Variants in HPSE2 observed in about 807,000 individuals in gnomAD.
HPSE2 encodes heparanase 2 (inactive).
HPSE2 carries 38 observed loss-of-function variants against 60.5 expected under a neutral mutation model. The ratio of observed to expected loss-of-function variants is 0.63; its 90% CI spans 0.48 to 0.82. The LOEUF is 0.82. HPSE2 is among the 40% of genes least tolerant of loss of function. The pLI is 0.00. For synonymous variants in HPSE2, 295 were observed against 293.2 expected, an observed-to-expected ratio of 1.01 and a Z score of -0.06; for missense variants, 713 against 740.4, an observed-to-expected ratio of 0.96 and a Z score of 0.43.
intron 9 of HPSE2, among the ~76,000 whole-genome samples, chr10:98,508,653 C>G (rs998326112): frequency 6.6e-6 from 1 of 152,118 alleles, no homozygotes; most frequent in African/African-American, 2.4e-5. Flanking sequence ...AAGATGTGAC[C>G]ATGTCTGAGG....
intron 9 of HPSE2, among the ~76,000 whole-genome samples, chr10:98,580,024 G>C (rs1424064796): frequency 6.6e-6 from 1 of 152,160 alleles, no homozygotes; most frequent in African/African-American, 2.4e-5. Context: ...CCTCACACTT[G>C]ATTAAAAGTC....
chr10:99,020,895 G>T (rs893362046), intron 3 of HPSE2, among the ~76,000 whole-genome samples: 3 of 152,250 alleles, frequency 2.0e-5, no homozygotes, highest in Non-Finnish European at 4.4e-5. Flanking sequence ...ACAGGGCCAG[G>T]GAACACACAG....
intron 6 of HPSE2, among the ~76,000 whole-genome samples, chr10:98,654,815 C>T (rs535859218): frequency 3.3e-4 from 50 of 152,198 alleles, no homozygotes; most frequent in African/African-American, 1.1e-3. Flanking sequence ...GTAATAGGAA[C>T]TGAGGAAAAA....
At chr10:99,270,713 G>A in the HPSE2 span, among the ~76,000 whole-genome samples, 2 of 152,160 alleles carry the variant, frequency 1.3e-5, no homozygotes, top group African/African-American at 4.8e-5. Flanking sequence ...TATCCCTGAT[G>A]AACACAGATG....
chr10:98,542,453 C>T lies in HPSE2; in HGVS notation c.1321-52257G>A, dbSNP rs57143105. ...CCTCCAAAGGAACGCAGTTCCTCAC[C>T]AGCAATGGAACAAAGCTGGATGGAG... On this transcript the variant is annotated intron_variant, in intron 9 of 11. Coordinates refer to ENST00000370552, the MANE Select transcript of HPSE2 (RefSeq NM_021828.5). Among the ~76,000 whole-genome samples the T allele has an allele frequency of 8.2e-3, 1,246 of 152,190 alleles. 11 individuals are homozygous for T. The highest frequency in any genetic ancestry group is 0.029 in the African/African-American group (1,188 of 41,524).
At chr10:98,493,494 A>G (rs1941726663) in intron 9 of HPSE2, among the ~76,000 whole-genome samples, 1 of 152,236 alleles carries the variant, frequency 6.6e-6, no homozygotes, top group Non-Finnish European at 1.5e-5. Flanking sequence ...GTGTGTAAAC[A>G]TAATGTTATA....
chr10:99,058,386 C>T (rs947803018), intron 3 of HPSE2, among the ~76,000 whole-genome samples: 9 of 152,202 alleles, frequency 5.9e-5, no homozygotes, highest in African/African-American at 2.2e-4. Context: ...GTTGTCACTT[C>T]CATTTCCTCA....
intron 3 of HPSE2, among the ~76,000 whole-genome samples, chr10:98,858,429 A>T (rs2134765385): frequency 6.6e-6 from 1 of 152,322 alleles, no homozygotes; most frequent in Middle Eastern, 3.4e-3. Flanking sequence ...AGAAAACCAA[A>T]TTGGGCAATA....
intron 2 of HPSE2, among the ~76,000 whole-genome samples, chr10:99,184,817 TATAGAGAGAGAGAGAGAGAG>T (rs1337794200): frequency 2.0e-3 from 34 of 17,192 alleles, no homozygotes; most frequent in South Asian, 4.1e-3. Flanking sequence ...TATATATATA[TATAGAGAGAGAGAGAGAGAG>T]AGAGAGAGAG....
intron 5 of HPSE2, 74 bp from the exon 6 acceptor site, chr10:98,694,021 C>T (rs375259301): frequency 2.3e-5 from 28 of 1,202,082 alleles, no homozygotes; most frequent in Non-Finnish European, 3.3e-5. Flanking sequence ...AGGAAATAAA[C>T]TGAGACAGAT....
chr10:98,608,609 C>T (rs750502520), intron 9 of HPSE2, among the ~76,000 whole-genome samples: 6 of 152,228 alleles, frequency 3.9e-5, no homozygotes, highest in East Asian at 1.9e-4. Flanking sequence ...CCAGGCACTT[C>T]GGCCACTGAC....
chr10:99,086,419 C>T (rs1043324407), intron 3 of HPSE2, among the ~76,000 whole-genome samples: 44 of 126,410 alleles, frequency 3.5e-4, no homozygotes, highest in African/African-American at 1.3e-3. Flanking sequence ...GTGGCGGGAT[C>T]TCGGCTCACT....
rs1464039831 is a variant in HPSE2, at chr10:99,102,052, T to C, written c.610+42186A>G. On this transcript the variant is annotated intron_variant, in intron 3 of 11. Coordinates refer to ENST00000370552, the MANE Select transcript of HPSE2 (RefSeq NM_021828.5). The stretch of plus-strand genomic sequence containing the variant: ...AAGCAGGAAAGATCTAAAATTGACA[T>C]CCTAACATCACAATTAGAACTAGAG... Among the ~76,000 whole-genome samples the C allele has an allele frequency of 4.6e-5, 7 of 151,976 alleles. No homozygotes were observed. In the South Asian group the frequency reaches 8.3e-4, roughly 18 times the overall value.
intron 4 of HPSE2, among the ~76,000 whole-genome samples, chr10:98,722,721 C>T (rs1948959337): frequency 6.6e-6 from 1 of 152,136 alleles, no homozygotes; most frequent in Non-Finnish European, 1.5e-5. Flanking sequence ...ACGAGCAGCT[C>T]CACAGCTGGA....
chr10:98,511,406 T>C (rs904246021), intron 9 of HPSE2, among the ~76,000 whole-genome samples: 3 of 152,176 alleles, frequency 2.0e-5, no homozygotes, highest in Non-Finnish European at 4.4e-5. Flanking sequence ...CGCCTTGGCC[T>C]CCCAAAGTGC....
intron 3 of HPSE2, among the ~76,000 whole-genome samples, chr10:99,127,296 G>A (rs1250167540): frequency 2.0e-5 from 3 of 152,080 alleles, no homozygotes; most frequent in African/African-American, 7.2e-5. Flanking sequence ...ATATCATAAA[G>A]AAAAACAATC....
At chr10:98,941,830 T>C (rs1186674951) in intron 3 of HPSE2, among the ~76,000 whole-genome samples, 1 of 140,346 alleles carries the variant, frequency 7.1e-6, no homozygotes, top group African/African-American at 3.0e-5. Flanking sequence ...CTTCAAACTA[T>C]ACTACAAGGC....
intron 3 of HPSE2, among the ~76,000 whole-genome samples, chr10:98,772,337 C>T (rs1565152525): frequency 6.6e-6 from 1 of 152,072 alleles, no homozygotes; most frequent in Non-Finnish European, 1.5e-5. Context: ...GACTGGGAAA[C>T]TGAGGATGGT....
At chr10:98,722,438 T>C (rs912098264) in intron 4 of HPSE2, among the ~76,000 whole-genome samples, 2 of 151,954 alleles carry the variant, frequency 1.3e-5, no homozygotes, top group Non-Finnish European at 2.9e-5. Context: ...GTTGATGCTC[T>C]GGTTTCAGAT....
Sources: allele counts gnomAD v4.1 joint callset (sites outside exome capture counted in the v4.1 genomes callset), GRCh38; gene constraint gnomAD v4.1.1; transcripts MANE v1.5; gene names NCBI Gene and HGNC (gene_info 2026-07-23, HGNC 2026-07-21).